PREX1: variants seen among roughly 807,000 people sequenced by gnomAD.
PREX1 encodes phosphatidylinositol-3,4,5-trisphosphate dependent Rac exchange factor 1.
Under a neutral mutation model 198.3 loss-of-function variants are expected in PREX1, and 41 were observed. That is an observed-to-expected ratio of 0.21 (90% CI 0.16 to 0.27). The LOEUF (loss-of-function observed/expected upper bound fraction) is 0.27, where lower values mean the gene tolerates loss of function less well. Ranked by LOEUF, PREX1 falls within the 10% of genes least tolerant of loss-of-function variation. The pLI, the probability that PREX1 is intolerant of heterozygous loss-of-function variation, is 1.00. For synonymous variants in PREX1, 843 were observed against 887.2 expected, an observed-to-expected ratio of 0.95 and a Z score of 0.89; for missense variants, 1,620 against 2,200.7, an observed-to-expected ratio of 0.74 and a Z score of 5.28.
chr20:48,835,608 G>A, the PREX1 span, among the ~76,000 whole-genome samples: 1 of 152,242 alleles, frequency 6.6e-6, no homozygotes, highest in Non-Finnish European at 1.5e-5. Flanking sequence ...AACAGCAGGT[G>A]CAAAGGCTTG....
chr20:48,774,322 G>A (rs2090251103), intron 1 of PREX1, among the ~76,000 whole-genome samples: 1 of 152,230 alleles, frequency 6.6e-6, no homozygotes, highest in Non-Finnish European at 1.5e-5. Flanking sequence ...AGGCCTGAAG[G>A]CTGAGGAGCT....
At chr20:48,743,645 G>C (rs573010557) in intron 3 of PREX1, among the ~76,000 whole-genome samples, 4 of 152,228 alleles carry the variant, frequency 2.6e-5, no homozygotes, top group Admixed American at 1.3e-4. Context: ...ACTGTGCCAG[G>C]AGCTGCACTG....
intron 1 of PREX1, among the ~76,000 whole-genome samples, chr20:48,770,050 CT>C (rs1400770604): frequency 1.3e-5 from 2 of 152,210 alleles, no homozygotes; most frequent in Non-Finnish European, 2.9e-5. Flanking sequence ...CTAAAATTTT[CT>C]GCAGGATTTC....
intron 1 of PREX1, among the ~76,000 whole-genome samples, chr20:48,803,258 A>G (rs1255151786): frequency 6.6e-6 from 1 of 152,138 alleles, no homozygotes; most frequent in Non-Finnish European, 1.5e-5. Flanking sequence ...AGGCCAGACC[A>G]GAAAAAGCAC....
At chr20:48,742,238 T>C (rs147673654) in intron 3 of PREX1, among the ~76,000 whole-genome samples, 140 of 152,124 alleles carry the variant, frequency 9.2e-4, no homozygotes, top group African/African-American at 3.2e-3. Context: ...AAAGTCACAC[T>C]CCAGAGAAGC....
At chr20:48,766,682 C>T (rs982504430) in intron 1 of PREX1, among the ~76,000 whole-genome samples, 8 of 152,192 alleles carry the variant, frequency 5.3e-5, no homozygotes, top group African/African-American at 1.9e-4. Flanking sequence ...ATACTTAGTG[C>T]CACCATGACT....
intron 6 of PREX1, among the ~76,000 whole-genome samples, chr20:48,703,255 C>G (rs756649266): frequency 3.9e-5 from 6 of 152,236 alleles, no homozygotes; most frequent in East Asian, 1.9e-4. Context: ...CCAGAGACCC[C>G]TCTGGAGACT....
intron 1 of PREX1, among the ~76,000 whole-genome samples, chr20:48,765,885 TAG>T (rs2090205676): frequency 6.6e-6 from 1 of 152,146 alleles, no homozygotes; most frequent in Non-Finnish European, 1.5e-5. Flanking sequence ...CATCTGTATT[TAG>T]AGCCATCCCC....
chr20:48,761,314 C>A (rs951574724), intron 1 of PREX1, among the ~76,000 whole-genome samples: 11 of 152,246 alleles, frequency 7.2e-5, no homozygotes, highest in Non-Finnish European at 1.6e-4. Flanking sequence ...TATTATCCAT[C>A]TAGCCCACTT....
In PREX1 at chr20:48,684,160, A is replaced by G. The variant is rs1358267681; in HGVS notation, c.1335-2825T>C. 2.0e-5 allele frequency among the ~76,000 whole-genome samples: 3 copies of G among 152,106 alleles called. No homozygotes were observed. Among genetic ancestry groups the G allele is most frequent in the Non-Finnish European group, 2.9e-5 (2 of 68,004 alleles). ...CGCCTCCTAGAATCATTCACCCACT[A>G]AACATCTATTTAGCCTACAATGGGC... On this transcript the variant is annotated intron_variant, in intron 10 of 39. Transcript: ENST00000371941. This position sits in a 1 kb window ranked among gnomAD's most constrained non-coding sequence, Gnocchi z 4.2.
chr20:48,745,831 G>A (rs1286567712), intron 2 of PREX1, among the ~76,000 whole-genome samples: 1 of 152,160 alleles, frequency 6.6e-6, no homozygotes, highest in East Asian at 1.9e-4. Flanking sequence ...CACAGGATAT[G>A]CGGCAATTGT....
chr20:48,667,576 G>C (rs2089648219), intron 14 of PREX1, among the ~76,000 whole-genome samples: 1 of 152,230 alleles, frequency 6.6e-6, no homozygotes, highest in African/African-American at 2.4e-5. Context: ...CTTCTTGATA[G>C]GTGGCATCTC....
intron 1 of PREX1, among the ~76,000 whole-genome samples, chr20:48,751,019 C>A (rs910596781): frequency 1.3e-5 from 2 of 152,230 alleles, no homozygotes; most frequent in African/African-American, 4.8e-5. Flanking sequence ...TCCCTGAAGG[C>A]AGGGACCCTG....
chr20:48,849,238 G>A, the PREX1 span, among the ~76,000 whole-genome samples: 4 of 151,870 alleles, frequency 2.6e-5, no homozygotes, highest in African/African-American at 9.7e-5. Context: ...GTTTTCTATA[G>A]ATATATATAT....
chr20:48,649,206 C>T (rs1601042961), intron 25 of PREX1, 94 bp downstream of exon 25: 2 of 1,507,534 alleles, frequency 1.3e-6, no homozygotes, highest in East Asian at 4.6e-5. Context: ...GCCCACCCCC[C>T]ACTACAAAGA....
At chr20:48,860,062 G>T in the PREX1 span, among the ~76,000 whole-genome samples, 1 of 152,182 alleles carries the variant, frequency 6.6e-6, no homozygotes. Flanking sequence ...GTCTTGAACA[G>T]ATATTTGTGC....
rs11469380 is a variant in PREX1, at chr20:48,791,149, G to GCACA, written c.219+36489_219+36492dup. The stretch of plus-strand genomic sequence containing the variant: ...CTGACTTGGAACTGTGCAGATTCAT[G>GCACA]CACACACACACACACACACACTAAT... On this transcript the variant is annotated intron_variant, in intron 1 of 39. Transcript: ENST00000371941. 6.4e-4 allele frequency among the ~76,000 whole-genome samples: 97 copies of GCACA among 150,566 alleles called. 1 individual carries two copies. In the South Asian group the frequency reaches 9.2e-3, roughly 14 times the overall value.
At chr20:48,709,088 G>A (rs550451136) in intron 5 of PREX1, among the ~76,000 whole-genome samples, 1 of 152,258 alleles carries the variant, frequency 6.6e-6, no homozygotes, top group African/African-American at 2.4e-5. Flanking sequence ...GCAAAGGCCA[G>A]GCCAGTCTTA....
chr20:48,871,956 G>A, the PREX1 span, among the ~76,000 whole-genome samples: 38 of 151,840 alleles, frequency 2.5e-4, no homozygotes, highest in African/African-American at 5.1e-4. Flanking sequence ...TCAGGAGATC[G>A]AGACCATCCT....
Sources: allele counts gnomAD v4.1 joint callset (sites outside exome capture counted in the v4.1 genomes callset), GRCh38; gene constraint gnomAD v4.1.1; non-coding constraint Gnocchi (gnomAD v3.1); transcripts MANE v1.5; gene names NCBI Gene and HGNC (gene_info 2026-07-23, HGNC 2026-07-21).